The following PIGR variants were observed in gnomAD, a reference collection of about 807,000 sequenced individuals.
The protein encoded by PIGR is hepatocellular carcinoma associated protein TB6.
PIGR carries 22 observed loss-of-function variants against 69.5 expected under a neutral mutation model. The observed-to-expected ratio is 0.32, with a 90% CI of 0.23 to 0.45. The LOEUF is 0.45. Among genes scored for constraint, PIGR ranks in the 20% least tolerant of loss-of-function variants. The pLI, the probability that PIGR is intolerant of heterozygous loss-of-function variation, is 1.00. For synonymous variants in PIGR, 413 were observed against 407.6 expected (o/e 1.01, Z -0.16); for missense variants, 885 against 974.0 (o/e 0.91, Z 1.22).
chr1:206,934,421 C>T lies in PIGR; in HGVS notation c.1704G>A (p.Ala568=), dbSNP rs35114189. ...VYVAVEERKA[A]GSRDVSLAKA... Reference sequence around the variant, plus strand: ...CAGGCCCTGTCCTTGGAGACTCACCCGCTGCCTTCCTCTCTTCAACTGCCA... The same window carrying T: ...CAGGCCCTGTCCTTGGAGACTCACCTGCTGCCTTCCTCTCTTCAACTGCCA... The change falls in exon 6 of 11, where the codon GCG becomes GCA. Residue 568 remains alanine, a splice_region_variant and synonymous_variant. Coordinates refer to ENST00000356495, the MANE Select transcript of PIGR (RefSeq NM_002644.4). 2.8e-4 allele frequency: 458 copies of T among 1,612,070 alleles called. 2 individuals are homozygous for T. In the African/African-American group the frequency reaches 5.1e-3, roughly 18 times the overall value.
At position 206,946,404 on chromosome 1, in the gene PIGR, C is replaced by A. The variant is rs1385836238; in HGVS notation, c.-122G>T. ...ACAGCCTGCTGGCCAGTTGGTAACC[C>A]CTGCCTCTCTAGGAGCTACTGGCAG... On this transcript the variant is annotated 5_prime_UTR_variant, in exon 1 of 11. Coordinates refer to ENST00000356495, the MANE Select transcript of PIGR (RefSeq NM_002644.4). 5 of 152,262 alleles carry A rather than the reference C, an allele frequency of 3.3e-5. No homozygotes were observed. 9.4% of individuals were successfully genotyped at this position (152,262 alleles called of 1,614,324 possible).
At chr1:206,931,454 G>A (rs1185224257) in intron 10 of PIGR, 43 bp downstream of exon 10, 5 of 1,613,832 alleles carry the variant, frequency 3.1e-6, no homozygotes, top group Admixed American at 3.3e-5. Context: ...CCCTCATGCT[G>A]CATTTCTTTG....
Position 206,934,431 on chromosome 1 carries a change from C to T in PIGR, c.1694G>A (p.Arg565Lys). The T allele has an allele frequency of 6.2e-7, 1 of 1,612,998 alleles. No homozygotes were observed. The highest frequency in any genetic ancestry group is 8.5e-7 in the Non-Finnish European group (1 of 1,179,072). ...TAAVYVAVEE[R>K]KAAGSRDVSL... ...CCTTGGAGACTCACCCGCTGCCTTC[C>T]TCTCTTCAACTGCCACATAGACGGC... Residue 565 changes from arginine to lysine, a missense_variant, in exon 6 of 11, where the codon AGG (arginine) becomes AAG (lysine). Physicochemically the swap from Arg to Lys is conservative, Grantham distance 26. Coordinates refer to ENST00000356495, the MANE Select transcript of PIGR (RefSeq NM_002644.4).
intron 1 of PIGR, 123 bp from the exon 2 acceptor site, chr1:206,940,707 T>C (rs1679965743): frequency 1.4e-5 from 8 of 589,102 alleles, no homozygotes; most frequent in African/African-American, 3.8e-5. Context: ...TCCTGTTGAA[T>C]GAATCAGTGC....
intron 1 of PIGR, among the ~76,000 whole-genome samples, chr1:206,941,961 C>A (rs1679996485): frequency 6.6e-6 from 1 of 152,224 alleles, no homozygotes; most frequent in Non-Finnish European, 1.5e-5. Flanking sequence ...ATCTCCCAGA[C>A]CTCCCTCACC....
rs1337626385 is a variant in PIGR at position 206,934,555 on chromosome 1, T to A, written c.1570A>T (p.Ser524Cys). Reference sequence around the variant, plus strand: ...TTCAGGGTCAGGGAGACAAGCCGGCTGTTCTCGTCACAGTTCACGAAGGCC... The same window carrying A: ...TTCAGGGTCAGGGAGACAAGCCGGCAGTTCTCGTCACAGTTCACGAAGGCC... ...SKAFVNCDEN[S>C]RLVSLTLNLV... Residue 524 changes from serine (S) to cysteine (C), a missense_variant, in exon 6 of 11, where the codon AGC (serine) becomes TGC (cysteine). Physicochemically the swap from Ser to Cys is moderately radical, Grantham distance 112 (BLOSUM62 -1). Coordinates refer to ENST00000356495, the MANE Select transcript of PIGR (RefSeq NM_002644.4). 1.2e-6 allele frequency: 2 copies of A among 1,614,276 alleles called. No homozygotes were observed. The highest frequency in any genetic ancestry group is 1.7e-6 in the Non-Finnish European group (2 of 1,180,050).
chr1:206,940,452 G>T, intron 2 of PIGR, 37 bp downstream of exon 2: 1 of 1,547,268 alleles, frequency 6.5e-7, no homozygotes, highest in South Asian at 1.2e-5. Flanking sequence ...CAGGCTGAAG[G>T]GGTGGAGCTT....
intron 3 of PIGR, among the ~76,000 whole-genome samples, chr1:206,938,879 T>C (rs1422429373): frequency 6.6e-6 from 1 of 152,156 alleles, no homozygotes. Flanking sequence ...AGCTGGGGTC[T>C]CCAGAAAGCC....
At chr1:206,937,070 T>TA (rs1553240379) in intron 4 of PIGR, 25 bp downstream of exon 4, 1 of 1,540,730 alleles carries the variant, frequency 6.5e-7, no homozygotes, top group African/African-American at 1.4e-5. Flanking sequence ...CCCCACCTAC[T>TA]CCCCCTCCCT....
At chr1:206,936,997 G>GATTGATGACT (rs1679874393) in intron 4 of PIGR, 98 bp downstream of exon 4, 13 of 1,162,742 alleles carry the variant, frequency 1.1e-5, no homozygotes, top group Non-Finnish European at 1.5e-5. Flanking sequence ...GCTGTTGGCT[G>GATTGATGACT]ATTGATGACT....
intron 1 of PIGR, among the ~76,000 whole-genome samples, chr1:206,941,664 G>C (rs558651379): frequency 6.6e-6 from 1 of 152,326 alleles, no homozygotes; most frequent in South Asian, 2.1e-4. Flanking sequence ...AAGAATCGAA[G>C]ATGAGACCAC....
chr1:206,932,929 C>T (rs774795697), intron 7 of PIGR, 57 bp downstream of exon 7: 62 of 1,563,444 alleles, frequency 4.0e-5, no homozygotes, highest in Non-Finnish European at 5.3e-5. Context: ...GTGGCCCAGC[C>T]TCAGGTGCTC....
At chr1:206,940,292 T>A (rs1254832367) in intron 2 of PIGR, among the ~76,000 whole-genome samples, 197 bp downstream of exon 2, 1 of 152,230 alleles carries the variant, frequency 6.6e-6, no homozygotes, top group Non-Finnish European at 1.5e-5. Flanking sequence ...GAAGTGCCAT[T>A]CCTGTCCCTG....
intron 3 of PIGR, among the ~76,000 whole-genome samples, chr1:206,938,234 G>T (rs1679906734): frequency 1.3e-5 from 2 of 152,356 alleles, no homozygotes; most frequent in South Asian, 4.1e-4. Context: ...GAAATGGGCT[G>T]TCTCAGGGAG....
intron 5 of PIGR, 112 bp from the exon 6 acceptor site, chr1:206,934,858 TA>T (rs1679833660): frequency 2.6e-5 from 16 of 623,622 alleles, no homozygotes; most frequent in Admixed American, 7.3e-5. Context: ...TATATATATA[TA>T]TTTTTGTTTT....
At chr1:206,937,073 C>A (rs776423210) in intron 4 of PIGR, 22 bp downstream of exon 4, 4 of 1,548,026 alleles carry the variant, frequency 2.6e-6, no homozygotes, top group Non-Finnish European at 3.5e-6. Context: ...CACCTACTCC[C>A]CCTCCCTCTC....
chr1:206,943,235 T>C (rs1407710283), intron 1 of PIGR, among the ~76,000 whole-genome samples: 3 of 152,294 alleles, frequency 2.0e-5, no homozygotes, highest in South Asian at 2.1e-4. Context: ...ACCCAAGAGA[T>C]AGATGTTGTT....
chr1:206,936,606 C>CT (rs1679866254), intron 4 of PIGR, among the ~76,000 whole-genome samples: 1 of 152,144 alleles, frequency 6.6e-6, no homozygotes, highest in Non-Finnish European at 1.5e-5. Flanking sequence ...CCAGATGGTG[C>CT]TGAAATTCAC....
At chr1:206,933,916 C>T (rs764866005) in intron 6 of PIGR, among the ~76,000 whole-genome samples, 2 of 150,886 alleles carry the variant, frequency 1.3e-5, no homozygotes, top group South Asian at 4.2e-4. Context: ...GTTGCCTAGG[C>T]TAGAGTGTGG....
Sources: allele counts gnomAD v4.1 joint callset (sites outside exome capture counted in the v4.1 genomes callset), GRCh38; gene constraint gnomAD v4.1.1; transcripts MANE v1.5; gene names NCBI Gene and HGNC (gene_info 2026-07-23, HGNC 2026-07-21).